LAMA2: variants seen among roughly 807,000 people sequenced by gnomAD.
LAMA2 encodes laminin subunit alpha-2.
In LAMA2, 269 loss-of-function variants were observed where a neutral mutation model predicts 364.8. The observed-to-expected ratio is 0.74, with a 90% confidence interval of 0.67 to 0.82. LAMA2 has a LOEUF of 0.82. Among genes scored for constraint, LAMA2 ranks in the 40% least tolerant of loss-of-function variants. LAMA2 has a pLI of 0.00. For missense variants in LAMA2, 3,807 were observed against 3,873.2 expected, an observed-to-expected ratio of 0.98 and a Z score of 0.45; for synonymous variants, 1,379 against 1,370.6, an observed-to-expected ratio of 1.01 and a Z score of -0.14.
intron 12 of LAMA2, among the ~76,000 whole-genome samples, chr6:129,244,940 C>G (rs1785645602): frequency 2.0e-5 from 3 of 152,230 alleles, no homozygotes; most frequent in Non-Finnish European, 2.9e-5. Context: ...TGCAAACAAG[C>G]TGGTTTTTCC....
At chr6:129,201,993 G>A (rs1320574363) in intron 12 of LAMA2, among the ~76,000 whole-genome samples, 7 of 151,952 alleles carry the variant, frequency 4.6e-5, no homozygotes, top group Admixed American at 2.0e-4. Flanking sequence ...TTCAAGACCA[G>A]CCTGGCCAAT....
At chr6:128,969,279 G>A (rs933876293) in intron 1 of LAMA2, among the ~76,000 whole-genome samples, 1 of 152,124 alleles carries the variant, frequency 6.6e-6, no homozygotes, top group Non-Finnish European at 1.5e-5. Flanking sequence ...CAATTTACCA[G>A]AAGTTTTGAA....
intron 3 of LAMA2, among the ~76,000 whole-genome samples, chr6:129,075,291 C>A (rs72973201): frequency 0.14 from 20,824 of 151,974 alleles, 1,559 homozygotes; most frequent in South Asian, 0.19. Flanking sequence ...TGGCTGGAAC[C>A]TAGTGATCAA....
chr6:129,454,473 C>T (rs971631852), intron 47 of LAMA2, among the ~76,000 whole-genome samples, 185 bp downstream of exon 47: 6 of 152,110 alleles, frequency 3.9e-5, no homozygotes, highest in Admixed American at 1.3e-4. Context: ...AACTGACAAA[C>T]CTTCCAGGTA....
rs767179146 is a variant in LAMA2 at position 129,401,298 on chromosome 6, T to A, written c.5520T>A (p.Asp1840Glu). 1 of 1,612,938 alleles carries A rather than the reference T, an allele frequency of 6.2e-7. No homozygotes were observed. The highest frequency in any genetic ancestry group is 8.5e-7 in the Non-Finnish European group (1 of 1,178,962). Residue 1840 changes from aspartate (D) to glutamate (E), a missense_variant, in exon 38 of 65, where the codon GAT becomes GAA. Asp to Glu is a conservative substitution (Grantham distance 45, BLOSUM62 2). Around this residue, in one of 3 missense-constraint regions of LAMA2, gnomAD observed 3,333 missense variants for 3,345.7 expected, o/e 1.00. Transcript: ENST00000421865. Reference sequence around the variant, plus strand: ...TAAAAGAGGGCAATGACATACTCGATGAAGCCAACCGTCTTGCAGATGAAA... The same window carrying A: ...TAAAAGAGGGCAATGACATACTCGAAGAAGCCAACCGTCTTGCAGATGAAA... ...NTLKEGNDIL[D>E]EANRLADEIN...
At chr6:129,353,763 C>T (rs1244774364) in intron 32 of LAMA2, among the ~76,000 whole-genome samples, 1 of 152,122 alleles carries the variant, frequency 6.6e-6, no homozygotes, top group Non-Finnish European at 1.5e-5. Context: ...ATACTTTAAG[C>T]CTTGAATGAC....
chr6:129,017,250 C>T (rs1785137844), intron 1 of LAMA2, among the ~76,000 whole-genome samples: 1 of 151,860 alleles, frequency 6.6e-6, no homozygotes, highest in Admixed American at 6.6e-5. Flanking sequence ...TTATAAAGTT[C>T]AGCAATTCAA....
chr6:129,355,980 A>G lies in LAMA2; in HGVS notation c.4717+2623A>G, dbSNP rs554653185. Among the ~76,000 whole-genome samples, 6 of 152,260 alleles carry G rather than the reference A, an allele frequency of 3.9e-5. No individual in the cohort carries two copies. In the East Asian group the frequency reaches 1.2e-3, roughly 29 times the overall value. On this transcript the variant is annotated intron_variant, in intron 32 of 64. Transcript: ENST00000421865. ...CACTGTAAATTTAGTTTAGGCTCTT[A>G]TTTCTCAAAGTATATAAAATTCTGC...
At chr6:129,186,186 C>G (rs1781219577) in intron 10 of LAMA2, among the ~76,000 whole-genome samples, 1 of 151,206 alleles carries the variant, frequency 6.6e-6, no homozygotes, top group African/African-American at 2.4e-5. Context: ...GTTTTTGCAA[C>G]CATTGAAGTA....
chr6:129,098,137 G>T (rs781139768), intron 3 of LAMA2, 36 bp from the exon 4 acceptor site: 1 of 1,609,002 alleles, frequency 6.2e-7, no homozygotes, highest in Non-Finnish European at 8.5e-7. Flanking sequence ...GAATATTTGG[G>T]AATTCAATGT....
chr6:129,438,530 TAC>T (rs1391294479), intron 41 of LAMA2, 114 bp from the exon 42 acceptor site: 4 of 610,570 alleles, frequency 6.6e-6, no homozygotes, highest in Non-Finnish European at 1.2e-5. Flanking sequence ...ATAAATTAAA[TAC>T]ATTTTCTTGC....
intron 1 of LAMA2, among the ~76,000 whole-genome samples, chr6:128,910,795 T>C (rs1450383931): frequency 1.3e-5 from 2 of 150,378 alleles, no homozygotes; most frequent in Admixed American, 1.3e-4. Flanking sequence ...TTGATGATGG[T>C]GATGTACAGA....
rs1415944134 is a variant in LAMA2, at chr6:129,393,094, CG to C, written c.5290del (p.Glu1764LysfsTer27). The stretch of plus-strand genomic sequence containing the variant: ...AGTGAAGAAGCTGTTTGGAGAGTCC[CG>C]GGGGGAAAATGAAGAAATGGAGAAG... ...KKVKKLFGES[R>X]GENEEMEKDL... On this transcript the variant is annotated frameshift_variant, in exon 37 of 65. Coordinates refer to ENST00000421865, the MANE Select transcript of LAMA2 (RefSeq NM_000426.4). LOFTEE classifies it high-confidence loss of function. The C allele has an allele frequency of 1.2e-6, 2 of 1,613,680 alleles. No individual in the cohort carries two copies. Among genetic ancestry groups the C allele is most frequent in the Non-Finnish European group, 1.7e-6 (2 of 1,179,900 alleles).
At chr6:129,151,670 A>G (rs1778803528) in intron 7 of LAMA2, among the ~76,000 whole-genome samples, 1 of 152,200 alleles carries the variant, frequency 6.6e-6, no homozygotes, top group South Asian at 2.1e-4. Flanking sequence ...GGCACATCTT[A>G]CATGGTACAG....
chr6:129,436,675 C>T (rs928198776), intron 41 of LAMA2, among the ~76,000 whole-genome samples: 2 of 152,096 alleles, frequency 1.3e-5, no homozygotes, highest in African/African-American at 4.8e-5. Flanking sequence ...ATCTGCACGT[C>T]CACTAGCACT....
chr6:129,328,149 T>C, intron 28 of LAMA2, 129 bp from the exon 29 acceptor site: 1 of 811,284 alleles, frequency 1.2e-6, no homozygotes, highest in Non-Finnish European at 2.2e-6. Flanking sequence ...GCACTTGCGT[T>C]TGTAAGTGAT....
intron 3 of LAMA2, among the ~76,000 whole-genome samples, chr6:129,069,305 TG>T (rs34197562): frequency 0.2 from 30,020 of 151,180 alleles, 3,665 homozygotes; most frequent in Non-Finnish European, 0.27. Context: ...ATCCTTTTGG[TG>T]GAATACTGTG....
intron 1 of LAMA2, among the ~76,000 whole-genome samples, chr6:128,968,381 C>T (rs188489610): frequency 1.3e-5 from 2 of 152,194 alleles, no homozygotes; most frequent in Admixed American, 6.5e-5. Flanking sequence ...AAACAAGTCC[C>T]CATTCTTATG....
intron 1 of LAMA2, among the ~76,000 whole-genome samples, chr6:128,992,686 T>G (rs1190370928): frequency 3.3e-5 from 5 of 152,170 alleles, no homozygotes; most frequent in Admixed American, 3.3e-4. Context: ...TTACCTTAAT[T>G]GTGTAGTGGG....
Sources: gnomAD v4.1 joint callset for allele counts (sites outside exome capture counted in the v4.1 genomes callset) on GRCh38, gnomAD v4.1.1 for gene constraint, gnomAD v4.1.1 regional missense constraint, MANE v1.5 for transcripts, NCBI Gene and HGNC (gene_info 2026-07-23, HGNC 2026-07-21) for gene names.